Variants in CCT3 observed in about 807,000 individuals in gnomAD.
CCT3 encodes chaperonin containing TCP1 subunit 3.
CCT3 carries 10 observed loss-of-function variants against 65.3 expected under a neutral mutation model. That is an observed-to-expected ratio of 0.15 (90% CI 0.09 to 0.26). The LOEUF (loss-of-function observed/expected upper bound fraction) is 0.26. Among genes scored for constraint, CCT3 ranks in the 10% least tolerant of loss-of-function variants. The pLI is 1.00. For synonymous variants in CCT3, 225 were observed against 242.3 expected, an observed-to-expected ratio of 0.93 and a Z score of 0.66; for missense variants, 626 against 708.7, an observed-to-expected ratio of 0.88 and a Z score of 1.33.
intron 10 of CCT3, among the ~76,000 whole-genome samples, chr1:156,313,350 G>GAAAAAAAAAAAAAAAAAA (rs58926932): frequency 9.4e-6 from 1 of 106,720 alleles, no homozygotes; most frequent in Non-Finnish European, 1.9e-5. Flanking sequence ...AAAAAAAAAA[G>GAAAAAAAAAAAAAAAAAA]AAAAAAAAAA....
intron 10 of CCT3, among the ~76,000 whole-genome samples, chr1:156,312,553 G>A (rs1664128521): frequency 6.6e-6 from 1 of 152,082 alleles, no homozygotes; most frequent in Admixed American, 6.6e-5. Context: ...CAGCTACTCA[G>A]GAGGGTGAGG....
Position 156,335,815 on chromosome 1 carries a change from AAG to A in CCT3, c.93+10_93+11del. ...GAGGCAAACTACCATAAACACTTAA[AAG>A]ATTTGTGACCTTGGCAGCATTGATG... On this transcript the variant is annotated intron_variant, in intron 2 of 13. Coordinates refer to ENST00000295688, the MANE Select transcript of CCT3 (RefSeq NM_005998.5). The A allele has an allele frequency of 6.2e-7, 1 of 1,612,348 alleles. No homozygotes were observed. The highest frequency in any genetic ancestry group is 8.5e-7 in the Non-Finnish European group (1 of 1,178,468).
chr1:156,337,062 A>C (rs2101685140), intron 1 of CCT3: 1 of 1,284,540 alleles, frequency 7.8e-7, no homozygotes, highest in South Asian at 1.2e-5. Context: ...GAAGTTACAC[A>C]CAGAATGGAA....
At chr1:156,319,257 C>T (rs1439206905) in intron 7 of CCT3, among the ~76,000 whole-genome samples, 3 of 151,026 alleles carry the variant, frequency 2.0e-5, no homozygotes, top group South Asian at 2.1e-4. Context: ...GGACTACAGG[C>T]GCCCGCCACC....
chr1:156,333,394 G>T, intron 5 of CCT3, 153 bp downstream of exon 5: 1 of 584,810 alleles, frequency 1.7e-6, no homozygotes, highest in African/African-American at 1.9e-5. Flanking sequence ...TCATATAAAT[G>T]TTTTATACCC....
At chr1:156,323,488 G>A (rs928112222) in intron 6 of CCT3, among the ~76,000 whole-genome samples, 3 of 151,966 alleles carry the variant, frequency 2.0e-5, no homozygotes, top group East Asian at 1.9e-4. Context: ...TTTTTGAGAT[G>A]GAGTCTCGCT....
chr1:156,314,104 A>AAAAAAC (rs1215649044), intron 10 of CCT3, among the ~76,000 whole-genome samples: 1 of 136,742 alleles, frequency 7.3e-6, no homozygotes, highest in African/African-American at 2.7e-5. Context: ...AAAAAAAAAA[A>AAAAAAC]GTCAACATTA....
chr1:156,333,853 TCAA>T (rs1320963065), intron 4 of CCT3, among the ~76,000 whole-genome samples: 1 of 152,204 alleles, frequency 6.6e-6, no homozygotes, highest in Non-Finnish European at 1.5e-5. Flanking sequence ...TTACATGAAC[TCAA>T]CTATTAAAGC....
In CCT3 at chr1:156,337,061, C is replaced by T. The variant is rs1665417075; in HGVS notation, c.31+1093G>A. 3 of 1,283,610 alleles carry T rather than the reference C, an allele frequency of 2.3e-6. No homozygotes were observed. In the African/African-American group the frequency reaches 4.6e-5, roughly 20 times the overall value. The allele number at this position is 1,283,610 out of a possible 1,614,324, so 79.5% of individuals were successfully genotyped here. A position where few individuals can be genotyped will look rare whatever the true frequency, so the allele number is the denominator to read the frequency against. On this transcript the variant is annotated intron_variant, in intron 1 of 13. Coordinates refer to ENST00000295688, the MANE Select transcript of CCT3 (RefSeq NM_005998.5). ...CTGCAGATGAGGTACAGAAGTTACA[C>T]ACAGAATGGAAACATACCAAAGGAA... is the stretch of plus-strand genomic sequence containing the variant.
chr1:156,310,555 T>C lies in CCT3; in HGVS notation c.1533+3A>G, dbSNP rs1235215439. 2 of 1,610,032 alleles carry C rather than the reference T, an allele frequency of 1.2e-6. No individual in the cohort carries two copies. Among genetic ancestry groups the C allele is most frequent in the South Asian group, 1.1e-5 (1 of 90,722 alleles). ...AGCGTGTACATATCTTAGGGTGCCTTACCTCCACTGCTGTCTTATAAGTCT... is the reference window on the plus strand; with the variant it reads ...AGCGTGTACATATCTTAGGGTGCCTCACCTCCACTGCTGTCTTATAAGTCT... On this transcript the variant is annotated splice_donor_region_variant and intron_variant, in intron 13 of 13. Transcript: ENST00000295688.
At chr1:156,312,991 A>G (rs1299393978) in intron 10 of CCT3, among the ~76,000 whole-genome samples, 3 of 152,234 alleles carry the variant, frequency 2.0e-5, no homozygotes, top group Non-Finnish European at 4.4e-5. Flanking sequence ...ATGTCAAGAT[A>G]GCAGGAAACA....
rs759169806 is a variant in CCT3, at chr1:156,311,199, G to A, written c.1156-4C>T. Reference sequence around the variant, plus strand: ...CCTGGAGGTTGCGTTCTACTTCCTTGGAGAAGCAAACAGACAGTATGAAGC... The same window carrying A: ...CCTGGAGGTTGCGTTCTACTTCCTTAGAGAAGCAAACAGACAGTATGAAGC... On this transcript the variant is annotated splice_polypyrimidine_tract_variant and splice_region_variant and intron_variant, in intron 11 of 13. Transcript: ENST00000295688. 1.2e-6 allele frequency: 2 copies of A among 1,613,086 alleles called. No homozygotes were observed. Among genetic ancestry groups the A allele is most frequent in the Non-Finnish European group, 1.7e-6 (2 of 1,179,586 alleles).
chr1:156,332,286 A>G (rs993860104), intron 5 of CCT3, among the ~76,000 whole-genome samples: 24 of 152,368 alleles, frequency 1.6e-4, no homozygotes, highest in South Asian at 1.2e-3. Flanking sequence ...TGCTGGGATT[A>G]CAGGTGTCAG....
rs1344683140 is a variant in CCT3 at position 156,318,807 on chromosome 1, T to C, written c.759+61A>G. 3.9e-6 allele frequency: 6 copies of C among 1,537,272 alleles called. No homozygotes were observed. The Middle Eastern group carries it at 8.3e-4, about 214-fold the overall frequency. ...GCAATAAACATACGTTTTATTTCTGTTGTTCATATTTGCAGTCAGATTCTT... is the reference window on the plus strand; with the variant it reads ...GCAATAAACATACGTTTTATTTCTGCTGTTCATATTTGCAGTCAGATTCTT... On this transcript the variant is annotated intron_variant, in intron 8 of 13. Coordinates refer to ENST00000295688, the MANE Select transcript of CCT3 (RefSeq NM_005998.5).
chr1:156,310,964 G>C lies in CCT3; in HGVS notation c.1387C>G (p.Leu463Val). Reference sequence around the variant, plus strand: ...GAGGAACTCACCCGAAGGGAGGTAAGTAGACGGATGGTGCTGGCCCCACAG... The same window carrying C: ...GAGGAACTCACCCGAAGGGAGGTAACTAGACGGATGGTGCTGGCCCCACAG... Reference protein sequence around the residue: ...QNCGASTIRLLTSLRAKHTQE... With the variant: ...QNCGASTIRLVTSLRAKHTQE... The change falls in exon 12 of 14, where the codon CTT becomes GTT. Residue 463 changes from leucine to valine, a missense_variant. Transcript: ENST00000295688. 6.2e-7 allele frequency: 1 copy of C among 1,614,152 alleles called. No individual in the cohort carries two copies. Among genetic ancestry groups the C allele is most frequent in the Non-Finnish European group, 8.5e-7 (1 of 1,180,012 alleles).
chr1:156,338,016 A>G (rs1570943615), intron 1 of CCT3, 138 bp downstream of exon 1: 1 of 915,430 alleles, frequency 1.1e-6, no homozygotes, highest in African/African-American at 1.6e-5. Context: ...AAAGCGGGAC[A>G]CTGGGCTTCC....
intron 6 of CCT3, among the ~76,000 whole-genome samples, chr1:156,323,013 C>T (rs1334164452): frequency 6.7e-6 from 1 of 148,728 alleles, no homozygotes; most frequent in African/African-American, 2.5e-5. Flanking sequence ...TGTTTAAGAG[C>T]AGGCAGTATA....
intron 5 of CCT3, among the ~76,000 whole-genome samples, chr1:156,328,631 G>A (rs1342199550): frequency 6.6e-6 from 1 of 151,878 alleles, no homozygotes; most frequent in Non-Finnish European, 1.5e-5. Flanking sequence ...TGCAAGATGT[G>A]CTTTGTTAAA....
At chr1:156,338,058 G>T in intron 1 of CCT3, 96 bp downstream of exon 1, 1 of 1,334,078 alleles carries the variant, frequency 7.5e-7, no homozygotes, top group Non-Finnish European at 1.1e-6. Flanking sequence ...AGGCTCAGTG[G>T]CCCGGTCAGT....
Sources: allele counts gnomAD v4.1 joint callset (sites outside exome capture counted in the v4.1 genomes callset), GRCh38; gene constraint gnomAD v4.1.1; transcripts MANE v1.5; gene names NCBI Gene and HGNC (gene_info 2026-07-23, HGNC 2026-07-21).